Variants in BCL2L14 observed in about 807,000 individuals in gnomAD.
The protein encoded by BCL2L14 is BCL2 like 14.
Under a neutral mutation model 35.3 loss-of-function variants are expected in BCL2L14, and 27 were observed. The observed-to-expected ratio is 0.76, with a 90% CI of 0.56 to 1.05. The LOEUF is 1.05. Ranked by LOEUF, BCL2L14 falls within the 50% of genes least tolerant of loss-of-function variation. The pLI, the probability that BCL2L14 is intolerant of heterozygous loss-of-function variation, is 0.00. For missense variants in BCL2L14, 377 were observed against 382.6 expected (o/e 0.99, Z 0.12); for synonymous variants, 139 against 145.9 (o/e 0.95, Z 0.34).
chr12:12,049,926 C>G (rs758280288), exon 1 of BCL2L14: 11 of 152,074 alleles, frequency 7.2e-5, no homozygotes, highest in East Asian at 5.8e-4. Flanking sequence ...AACTAACCAC[C>G]TAGAAGAACG....
upstream of BCL2L14, among the ~76,000 whole-genome samples, chr12:12,070,380 A>G (rs1565453207): frequency 6.6e-6 from 1 of 152,126 alleles, no homozygotes; most frequent in Non-Finnish European, 1.5e-5. Context: ...CTGCCTCTCA[A>G]TGTTGTTAAG....
At chr12:12,051,713 C>G (rs1316558838) in intron 1 of BCL2L14, 1 of 152,200 alleles carries the variant, frequency 6.6e-6, no homozygotes, top group Non-Finnish European at 1.5e-5. Flanking sequence ...TCAATGAGCA[C>G]TTCATGATAG....
chr12:12,055,282 A>T (rs1948414866), intron 2 of BCL2L14: 1 of 152,210 alleles, frequency 6.6e-6, no homozygotes, highest in African/African-American at 2.4e-5. Context: ...TCTCCAACTC[A>T]TTCACATGCA....
intron 2 of BCL2L14, among the ~76,000 whole-genome samples, chr12:12,080,550 G>A (rs537942401): frequency 6.6e-6 from 1 of 151,572 alleles, no homozygotes; most frequent in Non-Finnish European, 1.5e-5. Context: ...AACCTGGGAG[G>A]CGGAGGTTGC....
Position 12,057,134 on chromosome 12 carries a change from C to G in BCL2L14, c.-272+5287C>G, listed in dbSNP as rs553970957. Among the ~76,000 whole-genome samples, 9 of 152,014 alleles carry G rather than the reference C, an allele frequency of 5.9e-5. No individual in the cohort carries two copies. The South Asian group carries it at 1.7e-3, about 28-fold the overall frequency. On this transcript the variant is annotated intron_variant, in intron 2 of 3. Transcript: ENST00000461264. Reference sequence around the variant, plus strand: ...ACATTTATAGTCAGATAAGAAATACCGAAATAAATTTACAAACAGGCAAAA... The same window carrying G: ...ACATTTATAGTCAGATAAGAAATACGGAAATAAATTTACAAACAGGCAAAA...
intron 4 of BCL2L14, among the ~76,000 whole-genome samples, chr12:12,091,194 G>A (rs1300683111): frequency 6.6e-6 from 1 of 152,294 alleles, no homozygotes; most frequent in South Asian, 2.1e-4. Context: ...GTTTAGACTC[G>A]CATTTGCTTT....
chr12:12,070,646 C>T (rs976501044), upstream of BCL2L14, among the ~76,000 whole-genome samples: 1 of 151,074 alleles, frequency 6.6e-6, no homozygotes, highest in African/African-American at 2.4e-5. Flanking sequence ...CACTGCACTC[C>T]AGCCTGGGCA....
intron 2 of BCL2L14, among the ~76,000 whole-genome samples, chr12:12,061,920 G>A (rs1261431184): frequency 6.6e-6 from 1 of 152,138 alleles, no homozygotes; most frequent in Non-Finnish European, 1.5e-5. Flanking sequence ...TTCCTTCCTA[G>A]GCATGGTTAG....
In BCL2L14 at chr12:12,087,398, T is replaced by G. The variant is rs757900027; in HGVS notation, c.607+12T>G. On this transcript the variant is annotated intron_variant, in intron 3 of 5. Coordinates refer to ENST00000308721, the MANE Select transcript of BCL2L14 (RefSeq NM_138723.2). The stretch of plus-strand genomic sequence containing the variant: ...AAGTTCTAAGAAAGGTAAGCTTTCC[T>G]TCCCTGGGTGGAGTGTTTGCCAGGC... The G allele has an allele frequency of 6.2e-7, 1 of 1,613,028 alleles. No individual in the cohort carries two copies. Among genetic ancestry groups the G allele is most frequent in the Non-Finnish European group, 8.5e-7 (1 of 1,179,474 alleles).
chr12:12,058,372 T>A (rs919636824), intron 2 of BCL2L14, among the ~76,000 whole-genome samples: 2 of 151,434 alleles, frequency 1.3e-5, no homozygotes, highest in African/African-American at 4.9e-5. Context: ...TGCCTCAGCC[T>A]CCCGAGTAGC....
chr12:12,074,737 C>T (rs1948742966), intron 1 of BCL2L14, among the ~76,000 whole-genome samples: 1 of 152,190 alleles, frequency 6.6e-6, no homozygotes, highest in South Asian at 2.1e-4. Flanking sequence ...CCGCGCCCAG[C>T]CCAGATATGT....
chr12:12,067,305 T>C (rs936966878), upstream of BCL2L14, among the ~76,000 whole-genome samples: 13 of 152,268 alleles, frequency 8.5e-5, no homozygotes, highest in African/African-American at 2.9e-4. Context: ...ATCCCAGCAC[T>C]TTTGGGAGGC....
intron 5 of BCL2L14, among the ~76,000 whole-genome samples, chr12:12,096,636 CT>C (rs563472463): frequency 4.3e-4 from 65 of 152,230 alleles, no homozygotes; most frequent in Non-Finnish European, 9.0e-4. Context: ...TGAAAAGACG[CT>C]TGTTTGACAT....
intron 2 of BCL2L14, among the ~76,000 whole-genome samples, chr12:12,054,358 G>T (rs1948399647): frequency 6.6e-6 from 1 of 151,956 alleles, no homozygotes; most frequent in Admixed American, 6.6e-5. Context: ...CAAAAAATTA[G>T]CCAGGCGTGG....
intron 2 of BCL2L14, among the ~76,000 whole-genome samples, chr12:12,059,624 C>T (rs1761003770): frequency 6.6e-6 from 1 of 151,488 alleles, no homozygotes; most frequent in Non-Finnish European, 1.5e-5. Flanking sequence ...CCTACCCCTT[C>T]TCCGTGTCTC....
At chr12:12,074,804 T>A (rs1169362034) in intron 1 of BCL2L14, among the ~76,000 whole-genome samples, 1 of 152,214 alleles carries the variant, frequency 6.6e-6, no homozygotes, top group Non-Finnish European at 1.5e-5. Flanking sequence ...AAAAATGTTT[T>A]AATTTTTAAA....
chr12:12,094,476 T>C (rs1346432989), intron 4 of BCL2L14, 188 bp from the exon 5 acceptor site: 1 of 1,538,486 alleles, frequency 6.5e-7, no homozygotes, highest in South Asian at 1.1e-5. Flanking sequence ...TGAAATGAAT[T>C]CACCGAGCAG....
At chr12:12,059,187 G>A (rs1432483462) in intron 2 of BCL2L14, among the ~76,000 whole-genome samples, 1 of 152,202 alleles carries the variant, frequency 6.6e-6, no homozygotes, top group African/African-American at 2.4e-5. Context: ...TTTCAGAGGT[G>A]TCAGACCACA....
intron 2 of BCL2L14, among the ~76,000 whole-genome samples, chr12:12,061,459 C>A (rs1948524866): frequency 6.6e-6 from 1 of 151,998 alleles, no homozygotes. Flanking sequence ...CCTATAAACT[C>A]TCCTTACAAT....
Sources: allele counts gnomAD v4.1 joint callset (sites outside exome capture counted in the v4.1 genomes callset), GRCh38; gene constraint gnomAD v4.1.1; transcripts MANE v1.5; gene names NCBI Gene and HGNC (gene_info 2026-07-23, HGNC 2026-07-21).